The following CCDC197 variants were observed in gnomAD, a reference collection of about 807,000 sequenced individuals.
The protein encoded by CCDC197 is coiled-coil domain containing 197, also known as uncharacterized protein CCDC197.
A neutral mutation model predicts 13.4 loss-of-function variants in CCDC197; 24 were observed. The observed-to-expected ratio is 1.80, with a 90% CI of 1.30 to 2.53. CCDC197 has a LOEUF of 2.53. CCDC197 is among the 30% of genes most tolerant of loss of function. The pLI is 0.00. For synonymous variants in CCDC197, 99 were observed against 55.5 expected (o/e 1.78, Z -3.48); for missense variants, 255 against 148.8 (o/e 1.71, Z -3.71).
downstream of CCDC197, among the ~76,000 whole-genome samples, chr14:94,010,587 C>T (rs1890792134): frequency 6.6e-6 from 1 of 152,208 alleles, no homozygotes; most frequent in Non-Finnish European, 1.5e-5. Flanking sequence ...GGAAAGAGGG[C>T]ACCTCAGGTA....
At chr14:94,000,993 C>T in intron 3 of CCDC197, 152 bp from the exon 4 acceptor site, 1 of 510,350 alleles carries the variant, frequency 2.0e-6, no homozygotes, top group South Asian at 2.9e-5. Flanking sequence ...GATGGCAAGC[C>T]CGGGACCATC....
At chr14:93,988,036 A>C (rs1254803258) in intron 1 of CCDC197, among the ~76,000 whole-genome samples, 1 of 87,060 alleles carries the variant, frequency 1.1e-5, no homozygotes, top group Non-Finnish European at 2.2e-5. Flanking sequence ...GAGGCCAGAG[A>C]GGAGAAGAGG....
At chr14:93,987,886 A>C (rs1039346058) in intron 1 of CCDC197, among the ~76,000 whole-genome samples, 1 of 147,112 alleles carries the variant, frequency 6.8e-6, no homozygotes, top group African/African-American at 2.5e-5. Context: ...CCTGGAATAT[A>C]GACTTCCTAC....
chr14:94,006,270 T>C (rs1444132053), intron 6 of CCDC197, among the ~76,000 whole-genome samples: 3 of 152,268 alleles, frequency 2.0e-5, no homozygotes, highest in Non-Finnish European at 4.4e-5. Flanking sequence ...TGAGTATCTT[T>C]TCATGTGCTT....
intron 5 of CCDC197, among the ~76,000 whole-genome samples, chr14:94,004,160 C>T (rs1360266932): frequency 6.6e-6 from 1 of 152,216 alleles, no homozygotes; most frequent in Non-Finnish European, 1.5e-5. Flanking sequence ...TGCACTGCCC[C>T]TTACTGGCCT....
chr14:93,990,669 T>C (rs1419684493), intron 1 of CCDC197, among the ~76,000 whole-genome samples: 2 of 152,122 alleles, frequency 1.3e-5, no homozygotes, highest in Non-Finnish European at 2.9e-5. Context: ...CTCTGACAGA[T>C]TGGGGTGCAC....
At chr14:94,000,148 G>A (rs55972004) in intron 3 of CCDC197, among the ~76,000 whole-genome samples, 2,101 of 152,288 alleles carry the variant, frequency 0.014, 27 homozygotes, top group Non-Finnish European at 0.022. Flanking sequence ...TTGGAAAAGG[G>A]AAGGGGAGTC....
chr14:94,007,840 T>C (rs368754356), intron 6 of CCDC197, among the ~76,000 whole-genome samples: 53 of 152,340 alleles, frequency 3.5e-4, no homozygotes, highest in African/African-American at 1.3e-3. Flanking sequence ...GGCAGGTCTC[T>C]TCCCTAGTGT....
chr14:93,994,694 T>C (rs905079185), upstream of CCDC197, among the ~76,000 whole-genome samples: 2 of 152,016 alleles, frequency 1.3e-5, no homozygotes, highest in Non-Finnish European at 1.5e-5. Context: ...ACCTATGGGG[T>C]CAAGTGGTTT....
intron 6 of CCDC197, chr14:94,007,439 A>T (rs1890713843): frequency 6.6e-6 from 1 of 152,230 alleles, no homozygotes; most frequent in Non-Finnish European, 1.5e-5. Flanking sequence ...CCGTAATATG[A>T]AAAGTTTATT....
At chr14:94,009,897 A>G (rs539394052), downstream of CCDC197, among the ~76,000 whole-genome samples, 1 of 152,228 alleles carries the variant, frequency 6.6e-6, no homozygotes, top group Non-Finnish European at 1.5e-5. Context: ...AAAATAATTC[A>G]GCTCTAGAGG....
chr14:93,988,330 A>AT, intron 1 of CCDC197, among the ~76,000 whole-genome samples: 1 of 68,422 alleles, frequency 1.5e-5, no homozygotes, highest in Admixed American at 1.6e-4. Flanking sequence ...GAAGGAGGGG[A>AT]AGGGAGGAGC....
intron 1 of CCDC197, among the ~76,000 whole-genome samples, chr14:93,987,660 C>T (rs1890121946): frequency 1.3e-5 from 2 of 152,170 alleles, no homozygotes; most frequent in African/African-American, 4.8e-5. Context: ...TCTCTGGAGG[C>T]GGGCAGCCCC....
intron 3 of CCDC197, chr14:94,000,835 C>T: frequency 3.7e-6 from 1 of 266,836 alleles, no homozygotes. Context: ...TCTCAGGCTG[C>T]TCCAAGCAGC....
rs751962831 is a variant in CCDC197, at chr14:94,003,304, A to G, written c.448A>G (p.Thr150Ala). 6 of 780,108 alleles carry G rather than the reference A, an allele frequency of 7.7e-6. No individual in the cohort carries two copies. The South Asian group carries it at 8.0e-5, about 10-fold the overall frequency. The allele number at this position is 780,108 out of a possible 1,614,324, so 48.3% of individuals were successfully genotyped here. ...GTGGTGGCAGCTGAAGCACAGCATC[A>G]CTTACCAGAAGGACATTGACTTTGA... is the stretch of plus-strand genomic sequence containing the variant. Reference protein sequence around the residue: ...EQWWQLKHSITYQKDIDFDTH... With the variant: ...EQWWQLKHSIAYQKDIDFDTH... Residue 150 changes from threonine (T) to alanine (A), a missense_variant, in exon 5 of 7, where the codon ACT becomes GCT. Thr to Ala is a moderately conservative substitution (Grantham distance 58, BLOSUM62 0). Transcript: ENST00000636493. The surrounding 1 kb of genome is among the most constrained non-coding windows in gnomAD (Gnocchi z 5.0).
At chr14:93,988,523 A>G (rs12895410) in intron 1 of CCDC197, among the ~76,000 whole-genome samples, 1 of 1,102 alleles carries the variant, frequency 9.1e-4, no homozygotes, top group Non-Finnish European at 1.5e-3. Flanking sequence ...GGGATGGGAG[A>G]CGGGGTGGGA....
chr14:93,995,573 C>T (rs1408782915), upstream of CCDC197, among the ~76,000 whole-genome samples: 2 of 152,194 alleles, frequency 1.3e-5, no homozygotes, highest in African/African-American at 4.8e-5. Flanking sequence ...CTTCCGGGCC[C>T]CAATGCGGGC....
At position 94,004,985 on chromosome 14, in the gene CCDC197, G is replaced by T. The variant is rs755128753; in HGVS notation, c.615+14G>T. On this transcript the variant is annotated intron_variant, in intron 6 of 6. Coordinates refer to ENST00000636493, the MANE Select transcript of CCDC197 (RefSeq NM_001351596.2). ...GATCTGATTAAGGTAAGGATAGACA[G>T]ATGGCTGCGGGGCTCCTGACTGCCC... 514 of 700,714 alleles carry T rather than the reference G, an allele frequency of 7.3e-4. 3 individuals are homozygous for T. The highest frequency in any genetic ancestry group is 2.2e-4 in the Non-Finnish European group (86 of 383,622). The allele number at this position is 700,714 out of a possible 1,614,324, so 43.4% of individuals were successfully genotyped here. A position where few individuals can be genotyped will look rare whatever the true frequency, so the allele number is the denominator to read the frequency against.
chr14:94,005,282 T>A (rs1181425462), intron 6 of CCDC197, among the ~76,000 whole-genome samples: 3 of 152,082 alleles, frequency 2.0e-5, no homozygotes, highest in African/African-American at 7.2e-5. Flanking sequence ...CCCATCAACA[T>A]CCATGTGTGC....
Sources: allele counts gnomAD v4.1 joint callset (sites outside exome capture counted in the v4.1 genomes callset), GRCh38; gene constraint gnomAD v4.1.1; non-coding constraint Gnocchi (gnomAD v3.1); transcripts MANE v1.5; gene names NCBI Gene and HGNC (gene_info 2026-07-23, HGNC 2026-07-21).